Variants in VPS13B observed in about 807,000 individuals in gnomAD.
VPS13B encodes vacuolar protein sorting 13 homolog B, also known as intermembrane lipid transfer protein VPS13B.
VPS13B carries 285 observed loss-of-function variants against 426.4 expected under a neutral mutation model. The observed-to-expected ratio is 0.67, with a 90% CI of 0.61 to 0.74. VPS13B has a LOEUF of 0.74. Ranked by LOEUF, VPS13B falls within the 30% of genes least tolerant of loss-of-function variation. VPS13B has a pLI of 0.00. For missense variants in VPS13B, 4,537 were observed against 4,782.6 expected, an observed-to-expected ratio of 0.95 and a Z score of 1.51; for synonymous variants, 1,676 against 1,676.4, an observed-to-expected ratio of 1.00 and a Z score of 0.01.
At position 99,871,483 on chromosome 8, in the gene VPS13B, A is replaced by C; in HGVS notation, c.11531A>C (p.His3844Pro). 1 of 1,614,244 alleles carries C rather than the reference A, an allele frequency of 6.2e-7. No individual in the cohort carries two copies. Among genetic ancestry groups the C allele is most frequent in the Non-Finnish European group, 8.5e-7 (1 of 1,180,044 alleles). ...MLQSLGRPEV[H>P]MALDVVLVRG... ...CAGTCTCTGGGCAGACCAGAAGTCCACATGGCCCTGGACGTGGTTCTGGTG... is the reference window on the plus strand; with the variant it reads ...CAGTCTCTGGGCAGACCAGAAGTCCCCATGGCCCTGGACGTGGTTCTGGTG... Residue 3844 changes from histidine to proline, a missense_variant, in exon 61 of 62, where the codon CAC becomes CCC. His to Pro is a moderately conservative substitution (Grantham distance 77, BLOSUM62 -2). Transcript: ENST00000357162.
chr8:99,433,554 A>T (rs924135969), intron 22 of VPS13B, among the ~76,000 whole-genome samples: 1 of 152,236 alleles, frequency 6.6e-6, no homozygotes, highest in African/African-American at 2.4e-5. Context: ...ATGTTGGCCA[A>T]TAAATACATA....
intron 31 of VPS13B, among the ~76,000 whole-genome samples, chr8:99,573,757 T>G (rs1179614998): frequency 9.2e-5 from 14 of 152,162 alleles, no homozygotes; most frequent in African/African-American, 2.9e-4. Flanking sequence ...TTGTTCTTTT[T>G]GCTTAGGATT....
chr8:99,823,649 T>C (rs1006905130), intron 50 of VPS13B, among the ~76,000 whole-genome samples, 183 bp from the exon 51 acceptor site: 1 of 152,222 alleles, frequency 6.6e-6, no homozygotes, highest in South Asian at 2.1e-4. Context: ...GGCTAAATAC[T>C]GACAGGGGCC....
chr8:99,223,141 G>A (rs1451752518), intron 17 of VPS13B, among the ~76,000 whole-genome samples: 2 of 152,068 alleles, frequency 1.3e-5, no homozygotes, highest in Non-Finnish European at 2.9e-5. Context: ...TATAGGAGAC[G>A]ATTTTAATTA....
rs1221500848 is a variant in VPS13B, at chr8:99,481,525, CATATT to C, written c.3667-71_3667-67del. ...ATTTCTCTGGAATAGTTAATTTTCTCATATTATTATTTTAGTGGATTGAAACTGGA... is the reference window on the plus strand; with the variant it reads ...ATTTCTCTGGAATAGTTAATTTTCTCATTATTTTAGTGGATTGAAACTGGA... On this transcript the variant is annotated intron_variant, in intron 24 of 61. Transcript: ENST00000357162. The C allele has an allele frequency of 7.5e-6, 11 of 1,460,352 alleles. No individual in the cohort carries two copies. In the East Asian group the frequency reaches 2.5e-4, roughly 33 times the overall value. The allele number at this position is 1,460,352 out of a possible 1,614,324, so 90.5% of individuals were successfully genotyped here. A position where few individuals can be genotyped will look rare whatever the true frequency, so the allele number is the denominator to read the frequency against.
At chr8:99,102,144 A>C (rs1323546269) in intron 4 of VPS13B, among the ~76,000 whole-genome samples, 4 of 152,274 alleles carry the variant, frequency 2.6e-5, no homozygotes, top group Non-Finnish European at 5.9e-5. Flanking sequence ...AAAATTTTGG[A>C]GATTCTAAGC....
Position 99,854,257 on chromosome 8 carries a change from G to A in VPS13B, c.10867+1G>A, listed in dbSNP as rs780902262. ...GCCGCTGGGGCCCTTTTTAGAGCAG[G>A]TAAGAACACAAGCTGAGGGTCTGTG... On this transcript the variant is annotated splice_donor_variant, in intron 56 of 61. Coordinates refer to ENST00000357162, the MANE Select transcript of VPS13B (RefSeq NM_152564.5). LOFTEE classifies it high-confidence loss of function. The A allele has an allele frequency of 6.2e-7, 1 of 1,613,066 alleles. No homozygotes were observed. Among genetic ancestry groups the A allele is most frequent in the East Asian group, 2.2e-5 (1 of 44,882 alleles).
intron 3 of VPS13B, among the ~76,000 whole-genome samples, chr8:99,043,823 C>A (rs1244936560): frequency 6.6e-6 from 1 of 152,036 alleles, no homozygotes; most frequent in African/African-American, 2.4e-5. Flanking sequence ...CAGCCAATCC[C>A]TTTATGGTTA....
At chr8:99,588,009 G>A (rs1826396638) in intron 33 of VPS13B, among the ~76,000 whole-genome samples, 1 of 151,714 alleles carries the variant, frequency 6.6e-6, no homozygotes. Flanking sequence ...TAAGGTGTAA[G>A]GAAGGGATCT....
At chr8:99,691,554 G>A (rs1220375763) in intron 35 of VPS13B, among the ~76,000 whole-genome samples, 1 of 151,972 alleles carries the variant, frequency 6.6e-6, no homozygotes, top group Non-Finnish European at 1.5e-5. Context: ...TGTTAGGCCT[G>A]ATAAGAAAAT....
intron 19 of VPS13B, among the ~76,000 whole-genome samples, chr8:99,383,898 T>C (rs2133294249): frequency 6.6e-6 from 1 of 152,330 alleles, no homozygotes; most frequent in East Asian, 1.9e-4. Flanking sequence ...TTTTTGGCTG[T>C]TACGAATTAT....
chr8:99,552,021 C>T (rs1173950058), intron 30 of VPS13B, among the ~76,000 whole-genome samples: 1 of 151,892 alleles, frequency 6.6e-6, no homozygotes, highest in Non-Finnish European at 1.5e-5. Flanking sequence ...TTTAGACTTT[C>T]TCTCTCTATT....
At chr8:99,045,617 C>T (rs181658321) in intron 3 of VPS13B, among the ~76,000 whole-genome samples, 10 of 152,250 alleles carry the variant, frequency 6.6e-5, no homozygotes, top group Middle Eastern at 3.4e-3. Flanking sequence ...ATAAAATCCT[C>T]GCCTAAGCCA....
chr8:99,087,541 G>A (rs922893917), intron 3 of VPS13B, among the ~76,000 whole-genome samples: 2 of 151,452 alleles, frequency 1.3e-5, no homozygotes, highest in Non-Finnish European at 2.9e-5. Flanking sequence ...CCTGTCTTCT[G>A]CATCGCTCAT....
intron 17 of VPS13B, among the ~76,000 whole-genome samples, chr8:99,239,500 A>G (rs901749367): frequency 7.2e-5 from 11 of 152,154 alleles, no homozygotes; most frequent in African/African-American, 2.7e-4. Flanking sequence ...TATTCCACTA[A>G]TGCCTCATTT....
intron 29 of VPS13B, among the ~76,000 whole-genome samples, chr8:99,517,497 T>G (rs898025142): frequency 6.6e-6 from 1 of 152,180 alleles, no homozygotes; most frequent in Non-Finnish European, 1.5e-5. Context: ...CATATCTAAA[T>G]TTCAGTTAAT....
chr8:99,379,341 A>AT (rs997647547), intron 19 of VPS13B, among the ~76,000 whole-genome samples: 4 of 150,064 alleles, frequency 2.7e-5, no homozygotes, highest in Non-Finnish European at 5.9e-5. Flanking sequence ...TCCCAGTTAC[A>AT]TTTTTTTTTG....
intron 36 of VPS13B, among the ~76,000 whole-genome samples, chr8:99,707,704 A>G (rs993138151): frequency 6.6e-6 from 1 of 152,188 alleles, no homozygotes; most frequent in African/African-American, 2.4e-5. Context: ...GACCACCATT[A>G]CTATGTGGGA....
chr8:99,364,557 C>T (rs1048559791), intron 19 of VPS13B, among the ~76,000 whole-genome samples: 1 of 152,050 alleles, frequency 6.6e-6, no homozygotes, highest in African/African-American at 2.4e-5. Context: ...CTCAGCTTCC[C>T]AAGTAGCTGG....
Sources: gnomAD v4.1 joint callset for allele counts (sites outside exome capture counted in the v4.1 genomes callset) on GRCh38, gnomAD v4.1.1 for gene constraint, MANE v1.5 for transcripts, NCBI Gene and HGNC (gene_info 2026-07-23, HGNC 2026-07-21) for gene names.